Variants in TBL1X observed in about 807,000 individuals in gnomAD.
TBL1X encodes the protein F-box-like/WD repeat-containing protein TBL1X.
A neutral mutation model predicts 50.7 loss-of-function variants in TBL1X; 10 were observed. The ratio of observed to expected loss-of-function variants is 0.20; its 90% CI spans 0.12 to 0.33. TBL1X has a LOEUF of 0.33. Among genes scored for constraint, TBL1X ranks in the 10% least tolerant of loss-of-function variants. TBL1X has a pLI of 1.00. For synonymous variants in TBL1X, 190 were observed against 214.7 expected, an observed-to-expected ratio of 0.88 and a Z score of 1.01; for missense variants, 340 against 504.4, an observed-to-expected ratio of 0.67 and a Z score of 3.12.
At chrX:9,584,284 C>T (rs774468176) in intron 2 of TBL1X, among the ~76,000 whole-genome samples, 2 of 112,178 alleles carry the variant, frequency 1.8e-5, no homozygotes, top group African/African-American at 3.2e-5. Context: ...ATTGTAAAAG[C>T]AGAAGGATGA....
chrX:9,678,209 G>A (rs766294926), intron 5 of TBL1X, among the ~76,000 whole-genome samples: 12 of 111,642 alleles, frequency 1.1e-4, no homozygotes, highest in African/African-American at 2.6e-4. Flanking sequence ...TTTGGTGGAC[G>A]CAGAACTATC....
At chrX:9,647,806 C>T (rs778947791) in intron 3 of TBL1X, among the ~76,000 whole-genome samples, 13 of 111,149 alleles carry the variant, frequency 1.2e-4, no homozygotes, top group South Asian at 3.9e-4. Flanking sequence ...TGAGCCAGGA[C>T]GAGGAGTCGA....
In TBL1X at chrX:9,717,338, A is replaced by G. The variant is rs1038155543; in HGVS notation, c.*1092A>G. 2.0e-4 allele frequency: 23 copies of G among 112,551 alleles called. No homozygotes were observed. Among genetic ancestry groups the G allele is most frequent in the African/African-American group, 7.4e-4 (23 of 31,030 alleles). The allele number at this position is 112,551 out of a possible 1,213,427, so 9.3% of individuals were successfully genotyped here. A position where few individuals can be genotyped will look rare whatever the true frequency, so the allele number is the denominator to read the frequency against. On this transcript the variant is annotated 3_prime_UTR_variant, in exon 18 of 18. Coordinates refer to ENST00000645353, the MANE Select transcript of TBL1X (RefSeq NM_005647.4). ...GAGAGCTTTGTGTGATTCATGTTTT[A>G]AAAAGAACCGAAGAAGCCACAGGCA...
At chrX:9,705,598 T>C (rs766657271) in intron 13 of TBL1X, among the ~76,000 whole-genome samples, 87 of 109,401 alleles carry the variant, frequency 8.0e-4, no homozygotes, top group African/African-American at 2.6e-3. Flanking sequence ...CTACAAAAAA[T>C]TTTAAAAAGT....
At chrX:9,667,422 A>C (rs1031020237) in intron 5 of TBL1X, among the ~76,000 whole-genome samples, 2 of 112,265 alleles carry the variant, frequency 1.8e-5, no homozygotes, top group African/African-American at 3.2e-5. Context: ...CAGGGCTCAA[A>C]TCTGGGCCCA....
chrX:9,544,904 T>C (rs2146985400), intron 2 of TBL1X, among the ~76,000 whole-genome samples: 1 of 111,351 alleles, frequency 9.0e-6, no homozygotes, highest in South Asian at 3.7e-4. Flanking sequence ...CTTAATTGGG[T>C]ATTTTGTTGA....
chrX:9,709,603 T>C, intron 14 of TBL1X, 30 bp from the exon 15 acceptor site: 2 of 1,205,149 alleles, frequency 1.7e-6, no homozygotes, highest in Non-Finnish European at 2.2e-6. Context: ...GAATGGCTTT[T>C]GCTCATGTTG....
At chrX:9,617,485 A>G (rs1601796827) in intron 2 of TBL1X, among the ~76,000 whole-genome samples, 1 of 112,343 alleles carries the variant, frequency 8.9e-6, no homozygotes, top group African/African-American at 3.2e-5. Context: ...ATTGATAGCA[A>G]TGTTACTGCA....
intron 2 of TBL1X, among the ~76,000 whole-genome samples, chrX:9,613,448 T>C (rs2146561047): frequency 9.0e-6 from 1 of 111,646 alleles, no homozygotes; most frequent in South Asian, 3.8e-4. Context: ...TTGGGAACCA[T>C]GTGGGTGTGT....
chrX:9,520,761 A>ATT (rs202045241), intron 2 of TBL1X, among the ~76,000 whole-genome samples: 1 of 109,731 alleles, frequency 9.1e-6, no homozygotes, highest in Non-Finnish European at 1.9e-5. Context: ...TGGGGGAAGG[A>ATT]TTTTTTTACA....
chrX:9,629,018 G>A (rs1294801899), intron 2 of TBL1X, among the ~76,000 whole-genome samples: 4 of 112,519 alleles, frequency 3.6e-5, no homozygotes, highest in Admixed American at 1.9e-4. Context: ...CTGTCAGTGG[G>A]GCCATTCTAA....
At chrX:9,580,479 A>G (rs1203672026) in intron 2 of TBL1X, among the ~76,000 whole-genome samples, 1 of 111,997 alleles carries the variant, frequency 8.9e-6, no homozygotes, top group Non-Finnish European at 1.9e-5. Context: ...AGGCCATCAG[A>G]TATGCATCTA....
In TBL1X at chrX:9,691,639, C is replaced by A; in HGVS notation, c.677C>A (p.Thr226Lys). Reference sequence around the variant, plus strand: ...GTTGAGATTCCATCCAGCAAAGCCACAGTCCTTCGGGGCCATGAGTCTGAG... The same window carrying A: ...GTTGAGATTCCATCCAGCAAAGCCAAAGTCCTTCGGGGCCATGAGTCTGAG... ...GEVEIPSSKA[T>K]VLRGHESEVF... Residue 226 changes from threonine (T) to lysine (K), a missense_variant, in exon 8 of 18, where the codon ACA becomes AAA. By Grantham distance (78) the Thr-to-Lys change is moderately conservative. Transcript: ENST00000645353. 7 of 1,211,189 alleles carry A rather than the reference C, an allele frequency of 5.8e-6. No homozygotes were observed. Among genetic ancestry groups the A allele is most frequent in the Non-Finnish European group, 7.8e-6 (7 of 895,295 alleles).
intron 3 of TBL1X, among the ~76,000 whole-genome samples, chrX:9,640,766 G>GTA (rs1415940338): frequency 9.0e-6 from 1 of 111,433 alleles, no homozygotes. Flanking sequence ...AAGTAGCTGG[G>GTA]ATTACAGGCA....
chrX:9,474,337 C>T (rs1392951064), intron 1 of TBL1X, among the ~76,000 whole-genome samples: 2 of 113,077 alleles, frequency 1.8e-5, no homozygotes, highest in African/African-American at 3.2e-5. Flanking sequence ...GTGATACCAA[C>T]GTCCCTGCCT....
At chrX:9,492,839 G>A (rs1245429056) in intron 1 of TBL1X, among the ~76,000 whole-genome samples, 4 of 6,248 alleles carry the variant, frequency 6.4e-4, no homozygotes, top group Non-Finnish European at 1.7e-3. Context: ...GGGCTAGAGG[G>A]TGTGTGTGTG....
chrX:9,489,568 A>G (rs1213865998), intron 1 of TBL1X, among the ~76,000 whole-genome samples: 1 of 111,453 alleles, frequency 9.0e-6, no homozygotes, highest in Non-Finnish European at 1.9e-5. Context: ...TAGGGTTGAA[A>G]TGATGTGTCT....
chrX:9,694,120 C>A (rs1268295747), intron 11 of TBL1X, among the ~76,000 whole-genome samples: 3 of 110,199 alleles, frequency 2.7e-5, no homozygotes, highest in Non-Finnish European at 5.7e-5. Context: ...TGTCCAGCGA[C>A]AAGGCTGGCT....
chrX:9,632,470 A>G (rs1320513154), intron 2 of TBL1X, among the ~76,000 whole-genome samples: 3 of 110,856 alleles, frequency 2.7e-5, no homozygotes, highest in Non-Finnish European at 3.8e-5. Context: ...TTTAGTAGAG[A>G]TGGGATTTCG....
Sources: allele counts gnomAD v4.1 joint callset (sites outside exome capture counted in the v4.1 genomes callset), GRCh38; gene constraint gnomAD v4.1.1; transcripts MANE v1.5; gene names NCBI Gene and HGNC (gene_info 2026-07-23, HGNC 2026-07-21).